The following CHD9 variants were observed in gnomAD, a reference collection of about 807,000 sequenced individuals.
The protein encoded by CHD9 is chromodomain helicase DNA binding protein 9.
CHD9 carries 77 observed loss-of-function variants against 316.1 expected under a neutral mutation model. That is an observed-to-expected ratio of 0.24 (90% confidence interval 0.20 to 0.29). The LOEUF is 0.29. Among genes scored for constraint, CHD9 ranks in the 10% least tolerant of loss-of-function variants. The pLI, the probability that CHD9 is intolerant of heterozygous loss-of-function variation, is 1.00. For synonymous variants in CHD9, 1,129 were observed against 1,158.3 expected, an observed-to-expected ratio of 0.97 and a Z score of 0.51; for missense variants, 2,763 against 3,438.1, an observed-to-expected ratio of 0.80 and a Z score of 4.91.
chr16:53,307,751 G>A lies in CHD9; in HGVS notation c.6851G>A (p.Arg2284Lys), dbSNP rs767746414. 6.2e-7 allele frequency: 1 copy of A among 1,612,678 alleles called. No homozygotes were observed. The highest frequency in any genetic ancestry group is 1.7e-5 in the Admixed American group (1 of 59,796). ...CTGAAAGGAAAGTGGCCTTCAGCTA[G>A]AAGAAGTTATGATGCTAACACAGTG... ...TVLKGKWPSARRSYDANTVAS... is the reference protein window; with the variant it reads ...TVLKGKWPSAKRSYDANTVAS... The change falls in exon 33 of 39, where the codon AGA becomes AAA. Residue 2284 changes from arginine to lysine, a missense_variant. Arg to Lys is a conservative substitution (Grantham distance 26, BLOSUM62 2). Around this residue, in one of 15 missense-constraint regions of CHD9, gnomAD observed 663 missense variants for 751.2 expected, o/e 0.88. Transcript: ENST00000447540.
intron 24 of CHD9, among the ~76,000 whole-genome samples, chr16:53,283,040 A>G (rs891407128): frequency 5.3e-5 from 8 of 152,100 alleles, no homozygotes; most frequent in East Asian, 1.9e-4. Flanking sequence ...CATTTCTCCA[A>G]TGGGCCATGA....
chr16:53,291,616 C>T, intron 27 of CHD9, 109 bp from the exon 28 acceptor site: 1 of 671,546 alleles, frequency 1.5e-6, no homozygotes, highest in Non-Finnish European at 2.5e-6. Flanking sequence ...TTTAACATTC[C>T]ATTGGGGGAG....
In CHD9 at chr16:53,151,074, CCTT is replaced by C. The variant is rs1478648312; in HGVS notation, c.-164-4846_-164-4844del. Among the ~76,000 whole-genome samples, 5 of 152,192 alleles carry C rather than the reference CCTT, an allele frequency of 3.3e-5. No individual in the cohort carries two copies. The East Asian group carries it at 7.7e-4, about 23-fold the overall frequency. On this transcript the variant is annotated intron_variant, in intron 1 of 38. Transcript: ENST00000447540. ...AGTCTTTCTGCCCTTTTCTCTCTCT[CCTT>C]CTTCTGGGATGCCCACAATGTATAT...
intron 2 of CHD9, chr16:53,208,508 T>C (rs960880562): frequency 1.5e-5 from 17 of 1,128,044 alleles, no homozygotes; most frequent in African/African-American, 9.9e-5. Context: ...TTATTTGTTA[T>C]AGCCTGTAGG....
intron 1 of CHD9, among the ~76,000 whole-genome samples, chr16:53,077,605 G>A (rs1414968647): frequency 3.3e-5 from 5 of 152,238 alleles, no homozygotes; most frequent in South Asian, 4.2e-4. Flanking sequence ...GGGATTACAG[G>A]TATGAGCCAC....
At chr16:53,119,818 C>T (rs574251256) in intron 1 of CHD9, among the ~76,000 whole-genome samples, 29 of 152,024 alleles carry the variant, frequency 1.9e-4, no homozygotes, top group African/African-American at 5.8e-4. Flanking sequence ...GGTGCCAGAG[C>T]GAAACTCCAT....
intron 37 of CHD9, chr16:53,321,117 T>G (rs1298822740): frequency 1.5e-6 from 1 of 674,082 alleles, no homozygotes; most frequent in East Asian, 6.5e-5. Context: ...ATTTTATCTT[T>G]ATAAAACCCT....
chr16:53,319,758 G>C lies in CHD9; in HGVS notation c.7713+1418G>C, dbSNP rs571329346. 7.0e-5 allele frequency: 74 copies of C among 1,050,498 alleles called. No homozygotes were observed. The Middle Eastern group carries it at 9.7e-4, about 14-fold the overall frequency. 65.1% of individuals were successfully genotyped at this position (1,050,498 alleles called of 1,614,324 possible). ...ATTATTGTAACTTCATGAGAGGTTT[G>C]TTCATGTTCCTTAATTTGTAGAGTT... On this transcript the variant is annotated intron_variant, in intron 37 of 38. Coordinates refer to ENST00000447540, the MANE Select transcript of CHD9 (RefSeq NM_001308319.2).
chr16:53,146,438 A>ATATAT (rs1567374423), intron 1 of CHD9, among the ~76,000 whole-genome samples: 2 of 46,374 alleles, frequency 4.3e-5, no homozygotes, highest in African/African-American at 1.8e-4. Flanking sequence ...TATATATATA[A>ATATAT]TTAAAAAGTT....
chr16:53,229,094 T>A lies in CHD9; in HGVS notation c.2280T>A (p.Phe760Leu). 1 of 1,553,618 alleles carries A rather than the reference T, an allele frequency of 6.4e-7. No individual in the cohort carries two copies. The highest frequency in any genetic ancestry group is 8.8e-7 in the Non-Finnish European group (1 of 1,140,656). The change falls in exon 8 of 39, where the codon TTT (phenylalanine) becomes TTA (leucine). Residue 760 changes from phenylalanine (F) to leucine (L), a missense_variant. Phe to Leu is a conservative substitution (Grantham distance 22). Coordinates refer to ENST00000447540, the MANE Select transcript of CHD9 (RefSeq NM_001308319.2). Reference protein sequence around the residue: ...KLRQAQRAHFFADMEEEPFNP... With the variant: ...KLRQAQRAHFLADMEEEPFNP... The stretch of plus-strand genomic sequence containing the variant: ...GACAAGCACAAAGAGCACATTTTTT[T>A]GCAGACGTAAGAAAAAAATAAATAA...
chr16:53,259,047 T>G (rs2050843211), intron 19 of CHD9, among the ~76,000 whole-genome samples: 1 of 152,196 alleles, frequency 6.6e-6, no homozygotes, highest in Non-Finnish European at 1.5e-5. Context: ...TACAGAGATT[T>G]AATGGCGGAA....
chr16:53,232,404 A>C (rs8056314), intron 10 of CHD9, among the ~76,000 whole-genome samples: 1 of 152,154 alleles, frequency 6.6e-6, no homozygotes, highest in African/African-American at 2.4e-5. Context: ...CTTTTCAAAA[A>C]TTAGAGATGC....
At chr16:53,217,261 T>C (rs537909324) in intron 3 of CHD9, among the ~76,000 whole-genome samples, 1 of 152,304 alleles carries the variant, frequency 6.6e-6, no homozygotes, top group East Asian at 1.9e-4. Context: ...CTGTATTTTA[T>C]TTTATTTTTG....
intron 8 of CHD9, among the ~76,000 whole-genome samples, chr16:53,230,937 C>T (rs1225734655): frequency 1.5e-5 from 2 of 135,606 alleles, no homozygotes; most frequent in African/African-American, 2.8e-5. Flanking sequence ...TACCATTAAC[C>T]ATTAGAAAAT....
intron 19 of CHD9, among the ~76,000 whole-genome samples, chr16:53,259,150 T>A (rs746335137): frequency 1.3e-4 from 20 of 152,240 alleles, no homozygotes; most frequent in Non-Finnish European, 2.5e-4. Flanking sequence ...TAGGCATAAT[T>A]GCTTGTCACA....
intron 1 of CHD9, among the ~76,000 whole-genome samples, chr16:53,140,416 CA>C (rs544725340): frequency 0.051 from 5,029 of 99,266 alleles, 246 homozygotes; most frequent in African/African-American, 0.15. Flanking sequence ...AACTCTGTCT[CA>C]AAAAAAAAAA....
intron 1 of CHD9, among the ~76,000 whole-genome samples, chr16:53,106,994 T>G (rs1345200966): frequency 6.6e-6 from 1 of 152,122 alleles, no homozygotes; most frequent in Admixed American, 6.6e-5. Context: ...GAAAATTAAG[T>G]TGTAGAATAA....
At chr16:53,120,314 A>G (rs1256917299) in intron 1 of CHD9, among the ~76,000 whole-genome samples, 3 of 152,186 alleles carry the variant, frequency 2.0e-5, no homozygotes, top group African/African-American at 7.2e-5. Flanking sequence ...TGTAATGCCT[A>G]TAAAACCAGT....
chr16:53,209,456 T>C, intron 2 of CHD9, 26 bp from the exon 3 acceptor site: 1 of 1,463,966 alleles, frequency 6.8e-7, no homozygotes, highest in Non-Finnish European at 9.3e-7. Context: ...TGGTATATTC[T>C]ATAAAAAATA....
Sources: gnomAD v4.1 joint callset for allele counts (sites outside exome capture counted in the v4.1 genomes callset) on GRCh38, gnomAD v4.1.1 for gene constraint, gnomAD v4.1.1 regional missense constraint, MANE v1.5 for transcripts, NCBI Gene and HGNC (gene_info 2026-07-23, HGNC 2026-07-21) for gene names.